Variants in SUGP2 observed in about 807,000 individuals in gnomAD.
SUGP2 encodes the protein SURP and G-patch domain containing 2.
A neutral mutation model predicts 90.5 loss-of-function variants in SUGP2; 24 were observed. That is an observed-to-expected ratio of 0.27 (90% confidence interval 0.19 to 0.37). The LOEUF is 0.37. Among genes scored for constraint, SUGP2 ranks in the 10% least tolerant of loss-of-function variants. The probability of loss-of-function intolerance (pLI) is 1.00; values close to 1 mark genes in which losing one functional copy is unlikely to be tolerated. For synonymous variants in SUGP2, 473 were observed against 513.4 expected, an observed-to-expected ratio of 0.92 and a Z score of 1.06; for missense variants, 1,233 against 1,363.3, an observed-to-expected ratio of 0.90 and a Z score of 1.51.
chr19:19,020,627 G>A (rs924841413), intron 3 of SUGP2, among the ~76,000 whole-genome samples: 12 of 151,198 alleles, frequency 7.9e-5, no homozygotes, highest in African/African-American at 2.2e-4. Flanking sequence ...TTGTACAGAC[G>A]AGGCTTCACC....
At position 19,010,325 on chromosome 19, in the gene SUGP2, T is replaced by C. The variant is rs35020390; in HGVS notation, c.1868A>G (p.Asn623Ser). ...CTTGTAATATTTATACTCCAGACTA[T>C]TTTCATCAGACAAAAACCTAGATAA... ...DPAYWFLSDE[N>S]SLEYKYYKLK... Residue 623 changes from asparagine to serine, a missense_variant, in exon 5 of 11, where the codon AAT becomes AGT. This residue lies in a region of SUGP2 where 540 missense variants were observed against 542.6 expected (regional missense o/e 1.00). Transcript: ENST00000452918. 329 of 1,610,596 alleles carry C rather than the reference T, an allele frequency of 2.0e-4. 1 individual carries two copies. The African/African-American group carries it at 3.7e-3, about 18-fold the overall frequency.
intron 8 of SUGP2, 61 bp from the exon 9 acceptor site, chr19:18,995,341 G>A (rs111330852): frequency 2.7e-6 from 4 of 1,498,220 alleles, no homozygotes; most frequent in African/African-American, 1.4e-5. Flanking sequence ...TCAAGGGTCT[G>A]TCCTAGGCTA....
rs1233002241 is a variant in SUGP2 at position 19,033,463 on chromosome 19, C to CCCCGCCGCCGCCTCAGGCTCCTCA, written c.-62_-39dup. The CCCCGCCGCCGCCTCAGGCTCCTCA allele has an allele frequency of 2.1e-6, 3 of 1,402,330 alleles. No individual in the cohort carries two copies. Among genetic ancestry groups the CCCCGCCGCCGCCTCAGGCTCCTCA allele is most frequent in the South Asian group, 1.3e-5 (1 of 74,144 alleles). 86.9% of individuals were successfully genotyped at this position (1,402,330 alleles called of 1,614,324 possible). ...CCGAGACCACCGCGCGCGGAGCCACCCCCGCCGCCGCCTCAGGCTCCTCAC... is the reference window on the plus strand; with the variant it reads ...CCGAGACCACCGCGCGCGGAGCCACCCCCGCCGCCGCCTCAGGCTCCTCACCCGCCGCCGCCTCAGGCTCCTCAC... On this transcript the variant is annotated 5_prime_UTR_variant, in exon 1 of 11. Coordinates refer to ENST00000452918, the MANE Select transcript of SUGP2 (RefSeq NM_001017392.5).
At chr19:19,023,497 A>G (rs899569321) in intron 3 of SUGP2, among the ~76,000 whole-genome samples, 1 of 152,038 alleles carries the variant, frequency 6.6e-6, no homozygotes, top group Non-Finnish European at 1.5e-5. Context: ...CTGGCTCACA[A>G]GTGACTGGTC....
intron 7 of SUGP2, among the ~76,000 whole-genome samples, chr19:19,003,327 A>G (rs1163627074): frequency 6.6e-6 from 1 of 152,206 alleles, no homozygotes; most frequent in Non-Finnish European, 1.5e-5. Flanking sequence ...AACTTCACAC[A>G]TAGGTTTTGC....
intron 4 of SUGP2, among the ~76,000 whole-genome samples, chr19:19,017,034 G>A (rs965354498): frequency 6.6e-6 from 1 of 152,156 alleles, no homozygotes; most frequent in African/African-American, 2.4e-5. Flanking sequence ...TGCCTTTCAA[G>A]CATCTTTAGT....
chr19:19,015,080 T>C (rs549613832), intron 4 of SUGP2, among the ~76,000 whole-genome samples: 5 of 152,068 alleles, frequency 3.3e-5, no homozygotes, highest in Non-Finnish European at 7.4e-5. Context: ...CAGGTGCCTG[T>C]AGTCCCAGCT....
At chr19:19,009,267 A>G (rs575960838) in intron 5 of SUGP2, among the ~76,000 whole-genome samples, 1 of 152,236 alleles carries the variant, frequency 6.6e-6, no homozygotes, top group South Asian at 2.1e-4. Flanking sequence ...AGCAACACCT[A>G]AATAATGCAG....
intron 6 of SUGP2, 129 bp from the exon 7 acceptor site, chr19:19,004,775 T>C: frequency 2.8e-6 from 2 of 714,082 alleles, no homozygotes. Flanking sequence ...GACCAGTCTC[T>C]ACGCGGCTAT....
intron 8 of SUGP2, among the ~76,000 whole-genome samples, chr19:18,999,345 C>T (rs1223004616): frequency 2.6e-5 from 4 of 152,178 alleles, no homozygotes; most frequent in East Asian, 3.9e-4. Flanking sequence ...CACCAGGAAC[C>T]GCGTTCAGTT....
intron 8 of SUGP2, among the ~76,000 whole-genome samples, chr19:18,997,617 T>C (rs1467998165): frequency 6.6e-6 from 1 of 151,826 alleles, no homozygotes; most frequent in Non-Finnish European, 1.5e-5. Flanking sequence ...TCCCCATCTC[T>C]ACTAAAAATA....
In SUGP2 at chr19:18,994,574, G is replaced by A. The variant is rs573266413; in HGVS notation, c.3129-88C>T. On this transcript the variant is annotated intron_variant, in intron 9 of 10. Coordinates refer to ENST00000452918, the MANE Select transcript of SUGP2 (RefSeq NM_001017392.5). Reference sequence around the variant, plus strand: ...GGGCATGGGCACAAACAGTCCATGAGATGCAGGTGTTTGGGACACACACTG... The same window carrying A: ...GGGCATGGGCACAAACAGTCCATGAAATGCAGGTGTTTGGGACACACACTG... 106 of 1,525,482 alleles carry A rather than the reference G, an allele frequency of 6.9e-5. No individual in the cohort carries two copies. In the South Asian group the frequency reaches 1.2e-3, roughly 18 times the overall value. 94.5% of individuals were successfully genotyped at this position (1,525,482 alleles called of 1,614,324 possible). A position where few individuals can be genotyped will look rare whatever the true frequency, so the allele number is the denominator to read the frequency against.
chr19:19,008,347 A>C lies in SUGP2; in HGVS notation c.2420T>G (p.Ile807Arg). 6.2e-7 allele frequency: 1 copy of C among 1,614,202 alleles called. No individual in the cohort carries two copies. ...QVGPEIEQFS[I>R]ENSTDNPDLW... ...GTCAGGGTTATCGGTGCTGTTTTCT[A>C]TGCTGAATTGTTCGATCTCTGGTCC... Residue 807 changes from isoleucine to arginine, a missense_variant, in exon 6 of 11, where the codon ATA becomes AGA. Transcript: ENST00000452918.
At chr19:19,028,048 T>TG (rs1425377506) in intron 2 of SUGP2, among the ~76,000 whole-genome samples, 1 of 152,016 alleles carries the variant, frequency 6.6e-6, no homozygotes, top group Non-Finnish European at 1.5e-5. Flanking sequence ...GACCCTGAGG[T>TG]GGGACCAGTA....
intron 4 of SUGP2, among the ~76,000 whole-genome samples, chr19:19,014,230 C>A (rs546961046): frequency 6.6e-6 from 1 of 152,076 alleles, no homozygotes; most frequent in Admixed American, 6.6e-5. Flanking sequence ...TGACCTCATG[C>A]GGCCCACTCG....
At chr19:19,010,926 G>A (rs561108045) in intron 4 of SUGP2, among the ~76,000 whole-genome samples, 1 of 152,040 alleles carries the variant, frequency 6.6e-6, no homozygotes, top group East Asian at 2.0e-4. Flanking sequence ...GATTGCTTGA[G>A]CCCAGGAGTT....
At chr19:19,009,644 G>A (rs1226727663) in intron 5 of SUGP2, among the ~76,000 whole-genome samples, 1 of 152,212 alleles carries the variant, frequency 6.6e-6, no homozygotes, top group East Asian at 1.9e-4. Context: ...TCCGCTCTCA[G>A]AAGAGGAGGA....
At position 18,999,999 on chromosome 19, in the gene SUGP2, C is replaced by T. The variant is rs117369888; in HGVS notation, c.2991+1614G>A. On this transcript the variant is annotated intron_variant, in intron 8 of 10. Transcript: ENST00000452918. Reference sequence around the variant, plus strand: ...TCTCCCCTTCTCATTGCTCCTCATGCCCTGGTCCAACTGTCTTAAGTTTGA... The same window carrying T: ...TCTCCCCTTCTCATTGCTCCTCATGTCCTGGTCCAACTGTCTTAAGTTTGA... Among the ~76,000 whole-genome samples, 188 of 152,354 alleles carry T rather than the reference C, an allele frequency of 1.2e-3. 3 individuals are homozygous for T. In the East Asian group the frequency reaches 0.015, roughly 13 times the overall value.
At chr19:19,021,388 C>T (rs902431254) in intron 3 of SUGP2, among the ~76,000 whole-genome samples, 2 of 152,064 alleles carry the variant, frequency 1.3e-5, no homozygotes, top group South Asian at 2.1e-4. Flanking sequence ...CCAAGTATGT[C>T]CCCTATGAAA....
Sources: allele counts gnomAD v4.1 joint callset (sites outside exome capture counted in the v4.1 genomes callset), GRCh38; gene constraint gnomAD v4.1.1; regional missense constraint gnomAD v4.1.1; transcripts MANE v1.5; gene names NCBI Gene and HGNC (gene_info 2026-07-23, HGNC 2026-07-21).